The following RHPN1 variants were observed in gnomAD, a reference collection of about 807,000 sequenced individuals.
RHPN1 encodes rhophilin-1.
A neutral mutation model predicts 74.7 loss-of-function variants in RHPN1; 77 were observed. The ratio of observed to expected loss-of-function variants is 1.03; its 90% CI spans 0.86 to 1.25. The LOEUF (loss-of-function observed/expected upper bound fraction) is 1.25. Among genes scored for constraint, RHPN1 ranks in the 50% most tolerant of loss-of-function variants. The probability of loss-of-function intolerance (pLI) is 0.00; values close to 1 mark genes in which losing one functional copy is unlikely to be tolerated. For missense variants in RHPN1, 987 were observed against 932.2 expected, an observed-to-expected ratio of 1.06 and a Z score of -0.77; for synonymous variants, 444 against 414.5, an observed-to-expected ratio of 1.07 and a Z score of -0.87.
chr8:143,381,468 C>A (rs1170322332), intron 12 of RHPN1, 104 bp from the exon 13 acceptor site: 2 of 1,476,706 alleles, frequency 1.4e-6, no homozygotes, highest in South Asian at 1.3e-5. Context: ...CCTTGTGGAA[C>A]CCCACGGTGT....
Position 143,376,592 on chromosome 8 carries a change from C to T in RHPN1, c.244C>T (p.Gln82Ter). 1 of 1,605,744 alleles carries T rather than the reference C, an allele frequency of 6.2e-7. No homozygotes were observed. The highest frequency in any genetic ancestry group is 8.5e-7 in the Non-Finnish European group (1 of 1,176,586). ...GCTGAGCTACGTCAACTCCAACCTG[C>T]AGCTGCTGAAGGAGGAGCTGGAGGA... ...LELSYVNSNL[Q>*]LLKEELEELS... Residue 82 changes from glutamine to a stop codon, truncating the protein, a stop_gained, in exon 3 of 15, where the codon CAG becomes TAG. Coordinates refer to ENST00000289013, the MANE Select transcript of RHPN1 (RefSeq NM_052924.3). LOFTEE classifies it high-confidence loss of function.
chr8:143,366,590 C>T (rs1269390074), upstream of RHPN1: 1 of 152,010 alleles, frequency 6.6e-6, no homozygotes, highest in Non-Finnish European at 1.5e-5. Context: ...CACGCACACA[C>T]TCCAGCCTGG....
chr8:143,380,785 T>G lies in RHPN1; in HGVS notation c.1411+2T>G. 6.4e-7 allele frequency: 1 copy of G among 1,559,898 alleles called. No homozygotes were observed. The highest frequency in any genetic ancestry group is 8.7e-7 in the Non-Finnish European group (1 of 1,149,324). ...CTGCCGAGGCCCCGGACATCCAGCG[T>G]GAGCAGCCAGGGCCTGTCTGGGTGG... On this transcript the variant is annotated splice_donor_variant, in intron 11 of 14. Coordinates refer to ENST00000289013, the MANE Select transcript of RHPN1 (RefSeq NM_052924.3). LOFTEE classifies it high-confidence loss of function.
At chr8:143,376,176 C>T (rs1818204524) in intron 2 of RHPN1, among the ~76,000 whole-genome samples, 1 of 152,258 alleles carries the variant, frequency 6.6e-6, no homozygotes, top group South Asian at 2.1e-4. Context: ...GATGCAGGCA[C>T]AGAGAGGTGT....
Position 143,380,182 on chromosome 8 carries a change from C to T in RHPN1, c.1216+7C>T, listed in dbSNP as rs1413195830. On this transcript the variant is annotated splice_region_variant and intron_variant, in intron 10 of 14. Coordinates refer to ENST00000289013, the MANE Select transcript of RHPN1 (RefSeq NM_052924.3). ...GAGGAGCGCAGGCAGCTTGGTAAGGCGCCCATGGGTGGAGTGCCCTGGGGC... is the reference window on the plus strand; with the variant it reads ...GAGGAGCGCAGGCAGCTTGGTAAGGTGCCCATGGGTGGAGTGCCCTGGGGC... 17 of 1,527,532 alleles carry T rather than the reference C, an allele frequency of 1.1e-5. No homozygotes were observed. The highest frequency in any genetic ancestry group is 4.9e-5 in the East Asian group (2 of 40,782). The allele number at this position is 1,527,532 out of a possible 1,614,324, so 94.6% of individuals were successfully genotyped here.
chr8:143,377,387 G>A lies in RHPN1; in HGVS notation c.313G>A (p.Val105Ile). The A allele has an allele frequency of 6.2e-7, 1 of 1,613,132 alleles. No homozygotes were observed. Residue 105 changes from valine (V) to isoleucine (I), a missense_variant, in exon 4 of 15, where the codon GTC becomes ATC. Transcript: ENST00000289013. ...CGATGCTTCTGGTTACAGCGAAGCT[G>A]TCACTGTCCCCATGATCCCCCTGGG... ...VDPGRHGSEA[V>I]TVPMIPLGLK...
At chr8:143,375,451 C>T (rs985965797) in intron 1 of RHPN1, 102 bp from the exon 2 acceptor site, 4 of 732,652 alleles carry the variant, frequency 5.5e-6, no homozygotes, top group African/African-American at 1.8e-5. Flanking sequence ...GTGACCATCC[C>T]GTTACCCATG....
Position 143,368,964 on chromosome 8 carries a change from AC to A in RHPN1, c.-19del. On this transcript the variant is annotated 5_prime_UTR_variant, in exon 1 of 15. Transcript: ENST00000289013. ...GCGGCGGGCTGGCTGACCCCGAGGGACCCCCAGCGCAGCGGGTGCGGCGATG... is the reference window on the plus strand; with the variant it reads ...GCGGCGGGCTGGCTGACCCCGAGGGACCCCAGCGCAGCGGGTGCGGCGATG... 8 of 1,462,262 alleles carry A rather than the reference AC, an allele frequency of 5.5e-6. No individual in the cohort carries two copies. The highest frequency in any genetic ancestry group is 2.5e-5 in the Admixed American group (1 of 39,906). 90.6% of individuals were successfully genotyped at this position (1,462,262 alleles called of 1,614,324 possible). A position where few individuals can be genotyped will look rare whatever the true frequency, so the allele number is the denominator to read the frequency against.
Position 143,382,857 on chromosome 8 carries a change from G to T in RHPN1, c.*206G>T, listed in dbSNP as rs537471369. 64 of 588,742 alleles carry T rather than the reference G, an allele frequency of 1.1e-4. No individual in the cohort carries two copies. The African/African-American group carries it at 1.2e-3, about 11-fold the overall frequency. The allele number at this position is 588,742 out of a possible 1,614,324, so 36.5% of individuals were successfully genotyped here. ...TGGCCTCTTCACCCACACACAGAAGGATGCCAGTCCCTCTGTCGGTCTGAG... is the reference window on the plus strand; with the variant it reads ...TGGCCTCTTCACCCACACACAGAAGTATGCCAGTCCCTCTGTCGGTCTGAG... On this transcript the variant is annotated 3_prime_UTR_variant, in exon 15 of 15. Transcript: ENST00000289013.
At chr8:143,367,653 CTG>C (rs1293037020), upstream of RHPN1, 1 of 152,212 alleles carries the variant, frequency 6.6e-6, no homozygotes, top group Admixed American at 6.5e-5. Flanking sequence ...TGACAGGCTC[CTG>C]TGTGCTTGTT....
chr8:143,371,106 G>A (rs1182089075), intron 1 of RHPN1, among the ~76,000 whole-genome samples: 1 of 152,150 alleles, frequency 6.6e-6, no homozygotes, highest in African/African-American at 2.4e-5. Flanking sequence ...CCAGTGCCTG[G>A]GTACCCCAGG....
Position 143,383,011 on chromosome 8 carries a change from T to C in RHPN1, c.*360T>C, listed in dbSNP as rs923014829. Reference sequence around the variant, plus strand: ...GGCACAGACCCTGAGGTCTCAGTCCTGCCTCCAGCCAAGTTTCTGCCTGGT... The same window carrying C: ...GGCACAGACCCTGAGGTCTCAGTCCCGCCTCCAGCCAAGTTTCTGCCTGGT... On this transcript the variant is annotated 3_prime_UTR_variant, in exon 15 of 15. Transcript: ENST00000289013. The C allele has an allele frequency of 4.0e-6, 1 of 251,630 alleles. No homozygotes were observed. The highest frequency in any genetic ancestry group is 2.2e-5 in the African/African-American group (1 of 44,604). 15.6% of individuals were successfully genotyped at this position (251,630 alleles called of 1,614,324 possible).
upstream of RHPN1, chr8:143,368,049 A>C (rs1563781361): frequency 6.5e-6 from 1 of 153,306 alleles, no homozygotes; most frequent in Non-Finnish European, 1.5e-5. Flanking sequence ...GGTTCTGAAA[A>C]TAGGTCAGTC....
rs1818419265 is a variant in RHPN1, at chr8:143,378,263, C to A, written c.382-6C>A. 6.4e-7 allele frequency: 1 copy of A among 1,565,664 alleles called. No individual in the cohort carries two copies. Among genetic ancestry groups the A allele is most frequent in the Non-Finnish European group, 8.7e-7 (1 of 1,155,204 alleles). On this transcript the variant is annotated splice_polypyrimidine_tract_variant and splice_region_variant and intron_variant, in intron 4 of 14. Transcript: ENST00000289013. ...ACTGTGGATGCCAACACCTGCCCCC[C>A]ATCAGGAGCTGATCTCAGTGCACTT...
chr8:143,368,039 G>A (rs931812216), upstream of RHPN1: 2 of 153,208 alleles, frequency 1.3e-5, no homozygotes, highest in South Asian at 2.1e-4. Context: ...TTTGAAAGTA[G>A]GTTCTGAAAA....
chr8:143,377,898 G>A (rs906416613), intron 4 of RHPN1, among the ~76,000 whole-genome samples: 1 of 152,230 alleles, frequency 6.6e-6, no homozygotes, highest in African/African-American at 2.4e-5. Context: ...GCCACTGACT[G>A]TGTTCCGTGT....
chr8:143,381,885 G>A lies in RHPN1; in HGVS notation c.1714G>A (p.Val572Met). ...CAGGTGGTGGAGACACGCGGAGGTG[G>A]TGACGGAGCTGAAGGCTGCGGGAGA... ...PCRWWRHAEV[V>M]TELKAAGEAG... The change falls in exon 14 of 15, where the codon GTG becomes ATG. Residue 572 changes from valine to methionine, a missense_variant. Physicochemically the swap from Val to Met is conservative, Grantham distance 21. Coordinates refer to ENST00000289013, the MANE Select transcript of RHPN1 (RefSeq NM_052924.3). 1 of 1,612,974 alleles carries A rather than the reference G, an allele frequency of 6.2e-7. No individual in the cohort carries two copies. Among genetic ancestry groups the A allele is most frequent in the East Asian group, 2.2e-5 (1 of 44,876 alleles).
intron 12 of RHPN1, 46 bp from the exon 13 acceptor site, chr8:143,381,526 T>A: frequency 6.3e-7 from 1 of 1,576,002 alleles, no homozygotes; most frequent in Non-Finnish European, 8.6e-7. Context: ...CGGGGTCTCC[T>A]CAGTGTGTGG....
At chr8:143,376,731 ATGTGTGTCTC>A (rs1371399393) in intron 3 of RHPN1, 78 bp downstream of exon 3, 2 of 1,438,010 alleles carry the variant, frequency 1.4e-6, no homozygotes, top group African/African-American at 1.5e-5. Flanking sequence ...GTGTGCACGC[ATGTGTGTCTC>A]TGTGTGTATA....
Sources: allele counts gnomAD v4.1 joint callset (sites outside exome capture counted in the v4.1 genomes callset), GRCh38; gene constraint gnomAD v4.1.1; transcripts MANE v1.5; gene names NCBI Gene and HGNC (gene_info 2026-07-23, HGNC 2026-07-21).